Variants in ACTN1 observed in about 807,000 individuals in gnomAD.
ACTN1 encodes alpha-actinin-1.
A neutral mutation model predicts 119.6 loss-of-function variants in ACTN1; 30 were observed. The observed-to-expected ratio is 0.25, with a 90% CI of 0.19 to 0.34. ACTN1 has a LOEUF of 0.34. Among genes scored for constraint, ACTN1 ranks in the 10% least tolerant of loss-of-function variants. The pLI is 1.00. For missense variants in ACTN1, 764 were observed against 1,223.4 expected, an observed-to-expected ratio of 0.62 and a Z score of 5.60; for synonymous variants, 429 against 472.6, an observed-to-expected ratio of 0.91 and a Z score of 1.20.
intron 1 of ACTN1, among the ~76,000 whole-genome samples, chr14:68,933,612 G>A (rs2035338945): frequency 6.6e-6 from 1 of 152,182 alleles, no homozygotes; most frequent in South Asian, 2.1e-4. Flanking sequence ...GTGGCCCGGG[G>A]CAGAAGCAGC....
rs576915714 is a variant in ACTN1 at position 68,902,757 on chromosome 14, G to A, written c.677-195C>T. 2.6e-5 allele frequency among the ~76,000 whole-genome samples: 4 copies of A among 152,312 alleles called. No homozygotes were observed. The East Asian group carries it at 7.7e-4, about 29-fold the overall frequency. ...GAACAGGTGAAATGAAGCCCCAAAG[G>A]AGGCGGACAAACCCAGTATAAGGAA... On this transcript the variant is annotated intron_variant, in intron 7 of 21. Transcript: ENST00000394419.
At position 68,890,273 on chromosome 14, in the gene ACTN1, G is replaced by A. The variant is rs1179212172; in HGVS notation, c.1100C>T (p.Ala367Val). Residue 367 changes from alanine (A) to valine (V), a missense_variant, in exon 11 of 22, where the codon GCC becomes GTC. Ala to Val is a moderately conservative substitution (Grantham distance 64). This residue lies in a region of ACTN1 where 544 missense variants were observed against 912.0 expected (regional missense o/e 0.60). Transcript: ENST00000394419. ...EGRMVSDINN[A>V]WGCLEQVEKG... ...CTCCACCTGCTCCAGGCAGCCCCAG[G>A]CATTGTTGATGTCCTGTGGGGATGG... 6 of 1,614,074 alleles carry A rather than the reference G, an allele frequency of 3.7e-6. No individual in the cohort carries two copies. Among genetic ancestry groups the A allele is most frequent in the Non-Finnish European group, 5.1e-6 (6 of 1,180,036 alleles).
chr14:68,946,086 C>T (rs1441503232), intron 1 of ACTN1, among the ~76,000 whole-genome samples: 3 of 152,112 alleles, frequency 2.0e-5, no homozygotes, highest in African/African-American at 4.8e-5. Flanking sequence ...GCTCAGTCAG[C>T]GTGACTCTCC....
intron 1 of ACTN1, among the ~76,000 whole-genome samples, chr14:68,943,533 TC>T (rs750941798): frequency 5.9e-5 from 9 of 151,688 alleles, no homozygotes; most frequent in Non-Finnish European, 1.3e-4. Flanking sequence ...CCCAGCCCCC[TC>T]CCCCCAACCT....
At chr14:68,894,648 G>A (rs1315383241) in intron 8 of ACTN1, among the ~76,000 whole-genome samples, 1 of 152,016 alleles carries the variant, frequency 6.6e-6, no homozygotes, top group Non-Finnish European at 1.5e-5. Context: ...CACCAAGGGG[G>A]AAGTGAACTC....
At chr14:68,945,174 A>AAAAG (rs113626109) in intron 1 of ACTN1, among the ~76,000 whole-genome samples, 33 of 150,756 alleles carry the variant, frequency 2.2e-4, no homozygotes, top group South Asian at 4.2e-4. Flanking sequence ...AAAAAAAAAA[A>AAAAG]AAAGAAAGAA....
At position 68,879,103 on chromosome 14, in the gene ACTN1, C is replaced by T. The variant is rs1330730831; in HGVS notation, c.2281-34G>A. On this transcript the variant is annotated intron_variant, in intron 18 of 21. Coordinates refer to ENST00000394419, the MANE Select transcript of ACTN1 (RefSeq NM_001130004.2). The surrounding 1 kb of genome is among the most constrained non-coding windows in gnomAD (Gnocchi z 4.9). ...GCGGTGCGCCAGGCAGCGAGCCATG[C>T]GGTGTCAGGGAGGTGGAGCCGTGAG... 6.0e-6 allele frequency: 9 copies of T among 1,493,526 alleles called. No homozygotes were observed. Among genetic ancestry groups the T allele is most frequent in the East Asian group, 2.7e-5 (1 of 36,686 alleles). 92.5% of individuals were successfully genotyped at this position (1,493,526 alleles called of 1,614,324 possible).
At chr14:68,962,888 C>T (rs995925615) in intron 1 of ACTN1, among the ~76,000 whole-genome samples, 2 of 152,176 alleles carry the variant, frequency 1.3e-5, no homozygotes, top group African/African-American at 4.8e-5. Flanking sequence ...CAGGCAGCCA[C>T]GCACTGAGCA....
intron 16 of ACTN1, among the ~76,000 whole-genome samples, chr14:68,881,837 A>G (rs2031536603): frequency 6.6e-6 from 1 of 151,570 alleles, no homozygotes; most frequent in Admixed American, 6.6e-5. Flanking sequence ...GAGGAGGAGG[A>G]GAGGAAGGGG....
At chr14:68,921,271 C>T (rs1566639266) in intron 2 of ACTN1, 146 bp from the exon 3 acceptor site, 2 of 968,238 alleles carry the variant, frequency 2.1e-6, no homozygotes, top group Non-Finnish European at 2.9e-6. Context: ...TCACACGCTG[C>T]TCAGGGGCTG....
At chr14:68,945,022 T>C (rs8003964) in intron 1 of ACTN1, among the ~76,000 whole-genome samples, 27,101 of 151,552 alleles carry the variant, frequency 0.18, 3,322 homozygotes, top group African/African-American at 0.32. Flanking sequence ...CAAAATTAGC[T>C]GGGTGTGGTG....
At chr14:68,931,249 TGGCACAG>T (rs2035209257) in intron 1 of ACTN1, among the ~76,000 whole-genome samples, 1 of 152,180 alleles carries the variant, frequency 6.6e-6, no homozygotes, top group Non-Finnish European at 1.5e-5. Flanking sequence ...CAGCCAGCAT[TGGCACAG>T]AGAGTCTGAG....
intron 1 of ACTN1, among the ~76,000 whole-genome samples, chr14:68,959,722 G>A (rs111739026): frequency 4.3e-4 from 66 of 152,288 alleles, no homozygotes; most frequent in Middle Eastern, 3.4e-3. Flanking sequence ...GGGGTTGAAC[G>A]AAATGGGGAA....
In ACTN1 at chr14:68,882,541, G is replaced by C; in HGVS notation, c.1870C>G (p.Arg624Gly). The stretch of plus-strand genomic sequence containing the variant: ...CGTAGCCTCTCATTGTGCTGCTGTC[G>C]GGCATGCTCCTCCGTCAGAGCTTGG... ...RDQALTEEHA[R>G]QQHNERLRKQ... Residue 624 changes from arginine to glycine, a missense_variant, in exon 16 of 22, where the codon CGA becomes GGA. By Grantham distance (125) the Arg-to-Gly change is moderately radical (BLOSUM62 -2). Transcript: ENST00000394419. This position sits in a 1 kb window ranked among gnomAD's most constrained non-coding sequence, Gnocchi z 4.5. 6.2e-7 allele frequency: 1 copy of C among 1,614,148 alleles called. No homozygotes were observed. Among genetic ancestry groups the C allele is most frequent in the Non-Finnish European group, 8.5e-7 (1 of 1,180,014 alleles).
rs781699212 is a variant in ACTN1, at chr14:68,909,269, A to G, written c.594+49T>C. The G allele has an allele frequency of 4.4e-6, 7 of 1,584,442 alleles. No homozygotes were observed. Among genetic ancestry groups the G allele is most frequent in the Non-Finnish European group, 4.3e-6 (5 of 1,155,024 alleles). On this transcript the variant is annotated intron_variant, in intron 6 of 21. Transcript: ENST00000394419. This position sits in a 1 kb window ranked among gnomAD's most constrained non-coding sequence, Gnocchi z 4.1. The stretch of plus-strand genomic sequence containing the variant: ...AGGGTCCTAGTCCTGCTCTTTTCCC[A>G]CCCCACCTGCCAGGGACCCAAAGCG...
Position 68,878,180 on chromosome 14 carries a change from A to T in ACTN1, c.2427+278T>A. The T allele has an allele frequency of 2.8e-6, 1 of 363,242 alleles. No homozygotes were observed. The highest frequency in any genetic ancestry group is 5.0e-6 in the Non-Finnish European group (1 of 201,934). The allele number at this position is 363,242 out of a possible 1,614,324, so 22.5% of individuals were successfully genotyped here. On this transcript the variant is annotated intron_variant, in intron 20 of 21. Transcript: ENST00000394419. The surrounding 1 kb of genome is among the most constrained non-coding windows in gnomAD (Gnocchi z 4.4). ...ACCACCAGTCCTTCCTGCCAGCCTCAGGGTCAGCCCAGCTGTCCACAGTGG... is the reference window on the plus strand; with the variant it reads ...ACCACCAGTCCTTCCTGCCAGCCTCTGGGTCAGCCCAGCTGTCCACAGTGG...
intron 1 of ACTN1, among the ~76,000 whole-genome samples, chr14:68,928,560 C>T (rs1327340726): frequency 6.6e-6 from 1 of 152,192 alleles, no homozygotes; most frequent in African/African-American, 2.4e-5. Context: ...TATTTACTGG[C>T]TGTGTGACCT....
rs550214358 is a variant in ACTN1, at chr14:68,916,210, G to A, written c.341-3968C>T. On this transcript the variant is annotated intron_variant, in intron 3 of 21. Transcript: ENST00000394419. Reference sequence around the variant, plus strand: ...TAATCCCATGGTTTGGCCTTCCTAGGAGTGGGGCTGCAATGCTAGCCCTCC... The same window carrying A: ...TAATCCCATGGTTTGGCCTTCCTAGAAGTGGGGCTGCAATGCTAGCCCTCC... Among the ~76,000 whole-genome samples the A allele has an allele frequency of 3.3e-5, 5 of 152,238 alleles. No individual in the cohort carries two copies. In the East Asian group the frequency reaches 9.7e-4, roughly 29 times the overall value.
At chr14:68,891,323 A>G (rs560135083) in intron 10 of ACTN1, among the ~76,000 whole-genome samples, 1 of 152,370 alleles carries the variant, frequency 6.6e-6, no homozygotes, top group South Asian at 2.1e-4. Context: ...AATAACAAAA[A>G]TAACCTAAAA....
Sources: gnomAD v4.1 joint callset for allele counts (sites outside exome capture counted in the v4.1 genomes callset) on GRCh38, gnomAD v4.1.1 for gene constraint, gnomAD v4.1.1 regional missense constraint, Gnocchi (gnomAD v3.1) non-coding constraint, MANE v1.5 for transcripts, NCBI Gene and HGNC (gene_info 2026-07-23, HGNC 2026-07-21) for gene names.